CCDC7: variants seen among roughly 807,000 people sequenced by gnomAD.
CCDC7 encodes the protein coiled-coil domain containing 7.
In CCDC7, 183 loss-of-function variants were observed where a neutral mutation model predicts 196.9. The observed-to-expected ratio is 0.93, with a 90% CI of 0.82 to 1.05. The LOEUF is 1.05. Among genes scored for constraint, CCDC7 ranks in the 50% least tolerant of loss-of-function variants. CCDC7 has a pLI of 0.00. For synonymous variants in CCDC7, 525 were observed against 484.6 expected (o/e 1.08, Z -1.10); for missense variants, 1,540 against 1,482.2 (o/e 1.04, Z -0.64).
intron 11 of CCDC7, among the ~76,000 whole-genome samples, chr10:32,525,913 C>T (rs2048601870): frequency 6.6e-6 from 1 of 152,134 alleles, no homozygotes; most frequent in Admixed American, 6.6e-5. Context: ...GTGTGTTGTG[C>T]AAGCACCCCT....
chr10:32,474,677 G>T (rs2038651714), intron 8 of CCDC7, among the ~76,000 whole-genome samples: 1 of 152,160 alleles, frequency 6.6e-6, no homozygotes, highest in South Asian at 2.1e-4. Flanking sequence ...TTGTTACTAG[G>T]AATTATATCC....
chr10:32,705,117 T>C (rs1260988021), intron 24 of CCDC7, among the ~76,000 whole-genome samples: 3 of 152,158 alleles, frequency 2.0e-5, no homozygotes, highest in Non-Finnish European at 2.9e-5. Flanking sequence ...TGCTGGGAGC[T>C]GTAGACTGGA....
intron 13 of CCDC7, 77 bp downstream of exon 14, chr10:32,544,378 TACGTATGTG>T: frequency 1.4e-6 from 2 of 1,436,730 alleles, no homozygotes; most frequent in South Asian, 2.7e-5. Context: ...GAAACATTAT[TACGTATGTG>T]ATTATAGGGT....
chr10:32,488,606 C>T (rs2041645021), intron 8 of CCDC7, among the ~76,000 whole-genome samples: 1 of 152,156 alleles, frequency 6.6e-6, no homozygotes, highest in Admixed American at 6.5e-5. Context: ...TGGAGCTGTT[C>T]CTATTTGGCC....
At chr10:32,557,831 A>G (rs1227951012) in intron 13 of CCDC7, among the ~76,000 whole-genome samples, 3 of 152,142 alleles carry the variant, frequency 2.0e-5, no homozygotes, top group African/African-American at 7.2e-5. Context: ...AGCTAGGATT[A>G]TAAGTGTGTA....
intron 32 of CCDC7, among the ~76,000 whole-genome samples, chr10:32,832,159 T>C (rs571884355): frequency 6.6e-6 from 1 of 152,262 alleles, no homozygotes; most frequent in African/African-American, 2.4e-5. Flanking sequence ...AGTGTAACCA[T>C]ACAAAAGTTA....
chr10:32,599,447 G>A (rs2060764493), intron 18 of CCDC7, among the ~76,000 whole-genome samples: 1 of 152,000 alleles, frequency 6.6e-6, no homozygotes, highest in African/African-American at 2.4e-5. Flanking sequence ...ACTTGCTTTT[G>A]TCATTATTAT....
rs1364019110 is a variant in CCDC7 at position 32,708,297 on chromosome 10, C to G, written c.2459-3323C>G. Reference sequence around the variant, plus strand: ...GAGAAAGCTGAATCTGGATCCCTTCCTTACAACTTGTACAAAAATTAATTC... The same window carrying G: ...GAGAAAGCTGAATCTGGATCCCTTCGTTACAACTTGTACAAAAATTAATTC... On this transcript the variant is annotated intron_variant, in intron 24 of 41. Transcript: ENST00000639629. Among the ~76,000 whole-genome samples the G allele has an allele frequency of 3.3e-5, 5 of 152,166 alleles. No individual in the cohort carries two copies. In the East Asian group the frequency reaches 9.6e-4, roughly 29 times the overall value.
chr10:32,498,204 A>C (rs2134750122), intron 9 of CCDC7, among the ~76,000 whole-genome samples: 1 of 152,192 alleles, frequency 6.6e-6, no homozygotes, highest in Non-Finnish European at 1.5e-5. Context: ...AGAGACTAGG[A>C]TTGCAAACCC....
At chr10:32,701,855 G>C (rs915721942) in intron 24 of CCDC7, among the ~76,000 whole-genome samples, 1 of 151,992 alleles carries the variant, frequency 6.6e-6, no homozygotes, top group African/African-American at 2.4e-5. Flanking sequence ...TGTGGGATCG[G>C]TGGTGATATC....
chr10:32,481,521 G>GT (rs1314986559), intron 8 of CCDC7, among the ~76,000 whole-genome samples: 1 of 151,952 alleles, frequency 6.6e-6, no homozygotes, highest in African/African-American at 2.4e-5. Context: ...TAGGTATTTT[G>GT]TTTTTTACCC....
chr10:32,657,056 C>A (rs10734004), intron 20 of CCDC7, among the ~76,000 whole-genome samples: 38,372 of 152,262 alleles, frequency 0.25, 5,425 homozygotes, highest in South Asian at 0.44. Flanking sequence ...ACATCCAGGG[C>A]ACACTGGTGC....
chr10:32,728,847 A>T (rs752889993), intron 26 of CCDC7, 40 bp from the exon 28 acceptor site: 3 of 1,128,430 alleles, frequency 2.7e-6, no homozygotes, highest in Non-Finnish European at 3.9e-6. Flanking sequence ...TCATAGATTT[A>T]TGTTTCCATT....
chr10:32,556,110 G>A (rs1219500847), intron 13 of CCDC7, among the ~76,000 whole-genome samples: 1 of 152,140 alleles, frequency 6.6e-6, no homozygotes, highest in East Asian at 1.9e-4. Context: ...GAAATAGATT[G>A]TACCTTTTTA....
intron 21 of CCDC7, among the ~76,000 whole-genome samples, chr10:32,675,001 A>G (rs994582883): frequency 6.6e-5 from 10 of 152,084 alleles, no homozygotes; most frequent in Admixed American, 4.6e-4. Context: ...ACTCTAAAGC[A>G]AGTCTCTTGC....
intron 29 of CCDC7, among the ~76,000 whole-genome samples, chr10:32,803,840 T>A (rs1168023851): frequency 6.6e-6 from 1 of 152,176 alleles, no homozygotes; most frequent in Non-Finnish European, 1.5e-5. Flanking sequence ...GGTGGCTTTT[T>A]ATATTCGTCT....
chr10:32,499,810 C>T (rs978974647), intron 9 of CCDC7, among the ~76,000 whole-genome samples: 22 of 151,890 alleles, frequency 1.4e-4, no homozygotes, highest in African/African-American at 4.3e-4. Context: ...TGACTCTTAA[C>T]GAGTATGCTG....
intron 11 of CCDC7, among the ~76,000 whole-genome samples, chr10:32,526,270 G>T (rs185970731): frequency 3.9e-4 from 60 of 152,198 alleles, no homozygotes; most frequent in Non-Finnish European, 7.5e-4. Context: ...CCTTCAGCTT[G>T]TGGTGAATGC....
At chr10:32,453,485 G>A (rs752832457) in intron 2 of CCDC7, 49 bp downstream of exon 3, 22 of 1,240,706 alleles carry the variant, frequency 1.8e-5, no homozygotes, top group South Asian at 2.3e-5. Context: ...GAAAAGGGTC[G>A]ATTTTCTTTT....
Sources: allele counts gnomAD v4.1 joint callset (sites outside exome capture counted in the v4.1 genomes callset), GRCh38; gene constraint gnomAD v4.1.1; transcripts MANE v1.5; gene names NCBI Gene and HGNC (gene_info 2026-07-23, HGNC 2026-07-21).